The following PELI2 variants were observed in gnomAD, a reference collection of about 807,000 sequenced individuals.
PELI2 encodes the protein pellino E3 ubiquitin protein ligase family member 2.
PELI2 carries 23 observed loss-of-function variants against 42.3 expected under a neutral mutation model. That is an observed-to-expected ratio of 0.54 (90% confidence interval 0.39 to 0.77). PELI2 has a LOEUF of 0.77. Among genes scored for constraint, PELI2 ranks in the 30% least tolerant of loss-of-function variants. The probability of loss-of-function intolerance (pLI) is 0.00; values close to 1 mark genes in which losing one functional copy is unlikely to be tolerated. For missense variants in PELI2, 463 were observed against 553.2 expected (o/e 0.84, Z 1.64); for synonymous variants, 245 against 212.2 (o/e 1.15, Z -1.34).
At chr14:56,189,892 TACTA>T (rs1251794369) in intron 2 of PELI2, among the ~76,000 whole-genome samples, 1 of 152,248 alleles carries the variant, frequency 6.6e-6, no homozygotes, top group African/African-American at 2.4e-5. Context: ...TAGTTGAATA[TACTA>T]ACTTTGAAAG....
At chr14:56,240,015 A>G (rs928987580) in intron 2 of PELI2, among the ~76,000 whole-genome samples, 3 of 152,192 alleles carry the variant, frequency 2.0e-5, no homozygotes, top group Non-Finnish European at 4.4e-5. Flanking sequence ...TGAGCCAACA[A>G]TGGCAACAAG....
At chr14:56,223,221 C>G (rs1887214572) in intron 2 of PELI2, among the ~76,000 whole-genome samples, 1 of 152,150 alleles carries the variant, frequency 6.6e-6, no homozygotes, top group Non-Finnish European at 1.5e-5. Context: ...GTCTTTCTTT[C>G]CTTAACCGTA....
chr14:56,209,880 G>A (rs1456859548), intron 2 of PELI2, among the ~76,000 whole-genome samples: 3 of 152,174 alleles, frequency 2.0e-5, no homozygotes, highest in South Asian at 2.1e-4. Flanking sequence ...AATTGCTAGC[G>A]CAGCAGGGTC....
Position 56,284,630 on chromosome 14 carries a change from G to A in PELI2, c.310-3807G>A, listed in dbSNP as rs566847925. On this transcript the variant is annotated intron_variant, in intron 3 of 5. Coordinates refer to ENST00000267460, the MANE Select transcript of PELI2 (RefSeq NM_021255.3). ...TTAATTAGTATCTATTAAGTTAAGA[G>A]GAAAATATTAAAGAATATCTACATT... Among the ~76,000 whole-genome samples the A allele has an allele frequency of 1.6e-4, 24 of 145,898 alleles. No homozygotes were observed. The Admixed American group carries it at 1.7e-3, about 10-fold the overall frequency.
chr14:56,161,552 C>T (rs1044354518), intron 1 of PELI2, among the ~76,000 whole-genome samples: 3 of 152,282 alleles, frequency 2.0e-5, no homozygotes, highest in South Asian at 2.1e-4. Flanking sequence ...GGATTACAGG[C>T]GTGAGCCACA....
At chr14:56,139,513 A>G (rs1370856611) in intron 1 of PELI2, among the ~76,000 whole-genome samples, 1 of 151,746 alleles carries the variant, frequency 6.6e-6, no homozygotes, top group Admixed American at 6.6e-5. Flanking sequence ...ATTATTGTTT[A>G]CTTTTCCTTT....
rs116219739 is a variant in PELI2 at position 56,257,049 on chromosome 14, C to G, written c.208-22627C>G. 6.1e-3 allele frequency among the ~76,000 whole-genome samples: 929 copies of G among 152,198 alleles called. 7 individuals are homozygous for G. Among genetic ancestry groups the G allele is most frequent in the African/African-American group, 0.021 (885 of 41,524 alleles). ...CATCTTTATTCTTAATGTTTGCCTG[C>G]TCATATATAAGGCTCTGTATTAATA... On this transcript the variant is annotated intron_variant, in intron 2 of 5. Coordinates refer to ENST00000267460, the MANE Select transcript of PELI2 (RefSeq NM_021255.3).
At chr14:56,241,778 C>T (rs1468165023) in intron 2 of PELI2, among the ~76,000 whole-genome samples, 3 of 152,124 alleles carry the variant, frequency 2.0e-5, no homozygotes, top group South Asian at 4.1e-4. Flanking sequence ...TAAAGCTGCA[C>T]GCTACTTTTG....
intron 2 of PELI2, among the ~76,000 whole-genome samples, chr14:56,203,280 C>T (rs560495139): frequency 2.0e-5 from 3 of 152,222 alleles, no homozygotes; most frequent in Non-Finnish European, 4.4e-5. Flanking sequence ...ATGGAGGTTG[C>T]AGTGAGCCAA....
intron 2 of PELI2, among the ~76,000 whole-genome samples, chr14:56,182,513 T>C (rs1270498253): frequency 6.6e-6 from 1 of 152,060 alleles, no homozygotes; most frequent in African/African-American, 2.4e-5. Flanking sequence ...AAACTCTTCA[T>C]GATGGTTTTC....
chr14:56,278,954 C>A (rs1466224854), intron 2 of PELI2, among the ~76,000 whole-genome samples: 1 of 151,948 alleles, frequency 6.6e-6, no homozygotes, highest in Non-Finnish European at 1.5e-5. Flanking sequence ...AAGTATGTGA[C>A]CACAACTTTT....
Position 56,188,668 on chromosome 14 carries a change from C to T in PELI2, c.207+10204C>T, listed in dbSNP as rs141191031. Among the ~76,000 whole-genome samples the T allele has an allele frequency of 2.7e-3, 409 of 152,196 alleles. 3 individuals are homozygous for T. The highest frequency in any genetic ancestry group is 8.3e-3 in the African/African-American group (344 of 41,534). On this transcript the variant is annotated intron_variant, in intron 2 of 5. Coordinates refer to ENST00000267460, the MANE Select transcript of PELI2 (RefSeq NM_021255.3). ...TGTATCTCTGGTCTTTTTTCCTTCT[C>T]ATTTCAGGCATAGCATTTGTTTTTG...
chr14:56,263,241 A>G (rs926313861), intron 2 of PELI2, among the ~76,000 whole-genome samples: 2 of 152,124 alleles, frequency 1.3e-5, no homozygotes, highest in Non-Finnish European at 2.9e-5. Flanking sequence ...GATTACAGGC[A>G]TGAGCCACCG....
intron 2 of PELI2, among the ~76,000 whole-genome samples, chr14:56,214,151 C>T (rs974643922): frequency 1.1e-4 from 17 of 152,178 alleles, no homozygotes; most frequent in African/African-American, 3.9e-4. Flanking sequence ...CTGCGCCTGG[C>T]CACAGTGGTT....
chr14:56,133,875 G>A (rs1239651596), intron 1 of PELI2, among the ~76,000 whole-genome samples: 2 of 152,158 alleles, frequency 1.3e-5, no homozygotes, highest in South Asian at 2.1e-4. Context: ...GGTGTACCTG[G>A]CACTACATGG....
chr14:56,258,302 C>T (rs745674945), intron 2 of PELI2, among the ~76,000 whole-genome samples: 165 of 151,372 alleles, frequency 1.1e-3, no homozygotes, highest in Non-Finnish European at 1.7e-3. Flanking sequence ...CCCCCACCCC[C>T]GCAAAAAAAA....
intron 2 of PELI2, among the ~76,000 whole-genome samples, chr14:56,243,440 CA>C (rs1372414213): frequency 8.5e-5 from 13 of 152,180 alleles, no homozygotes; most frequent in Non-Finnish European, 1.9e-4. Flanking sequence ...CGCCTGGCCC[CA>C]GTTCCTGGCA....
chr14:56,216,366 C>A (rs756446599), intron 2 of PELI2, among the ~76,000 whole-genome samples: 1 of 152,250 alleles, frequency 6.6e-6, no homozygotes, highest in African/African-American at 2.4e-5. Flanking sequence ...TCTCTAGGTT[C>A]ATTTCCAGGT....
At chr14:56,158,246 T>TA (rs1884636672) in intron 1 of PELI2, among the ~76,000 whole-genome samples, 3 of 152,160 alleles carry the variant, frequency 2.0e-5, no homozygotes, top group Non-Finnish European at 4.4e-5. Context: ...CAGGCTGGTC[T>TA]CGAACACCTG....
Sources: allele counts gnomAD v4.1 joint callset (sites outside exome capture counted in the v4.1 genomes callset), GRCh38; gene constraint gnomAD v4.1.1; transcripts MANE v1.5; gene names NCBI Gene and HGNC (gene_info 2026-07-23, HGNC 2026-07-21).